EDIL3: variants seen among roughly 807,000 people sequenced by gnomAD.
EDIL3 encodes EGF like and discoidin domains 3, also known as EGF-like repeat and discoidin I-like domain-containing protein 3.
EDIL3 carries 37 observed loss-of-function variants against 67.4 expected under a neutral mutation model. The ratio of observed to expected loss-of-function variants is 0.55; its 90% CI spans 0.42 to 0.72. EDIL3 has a LOEUF of 0.72. Among genes scored for constraint, EDIL3 ranks in the 30% least tolerant of loss-of-function variants. The probability of loss-of-function intolerance (pLI) is 0.00; values close to 1 mark genes in which losing one functional copy is unlikely to be tolerated. For missense variants in EDIL3, 527 were observed against 586.3 expected (o/e 0.90, Z 1.04); for synonymous variants, 195 against 196.3 (o/e 0.99, Z 0.05).
intron 10 of EDIL3, among the ~76,000 whole-genome samples, chr5:83,950,488 G>A (rs923961083): frequency 7.2e-5 from 11 of 151,790 alleles, no homozygotes; most frequent in Non-Finnish European, 1.0e-4. Flanking sequence ...ATGCGCCAGC[G>A]TGTGACAGAC....
intron 5 of EDIL3, among the ~76,000 whole-genome samples, chr5:84,136,560 T>G (rs1424908004): frequency 6.6e-6 from 1 of 152,186 alleles, no homozygotes; most frequent in Non-Finnish European, 1.5e-5. Context: ...GATGCATCAT[T>G]TCAAGACCCT....
At chr5:84,155,119 T>A (rs914763606) in intron 4 of EDIL3, among the ~76,000 whole-genome samples, 2 of 152,156 alleles carry the variant, frequency 1.3e-5, no homozygotes, top group Non-Finnish European at 2.9e-5. Flanking sequence ...TAGGTTTCTA[T>A]TTTTTGTGTC....
intron 5 of EDIL3, among the ~76,000 whole-genome samples, chr5:84,125,468 A>T (rs994841787): frequency 2.0e-5 from 3 of 152,070 alleles, no homozygotes; most frequent in Non-Finnish European, 2.9e-5. Flanking sequence ...GGTCATGTCA[A>T]TGATAGCGTC....
At chr5:84,316,603 C>T (rs1374813467) in intron 1 of EDIL3, among the ~76,000 whole-genome samples, 1 of 152,076 alleles carries the variant, frequency 6.6e-6, no homozygotes, top group East Asian at 1.9e-4. Flanking sequence ...CACCCAGATT[C>T]ATAAAGCAAG....
At chr5:83,999,918 G>A (rs959191738) in intron 9 of EDIL3, among the ~76,000 whole-genome samples, 1 of 151,798 alleles carries the variant, frequency 6.6e-6, no homozygotes, top group African/African-American at 2.4e-5. Context: ...ACAACACACA[G>A]TGGAGCTCCA....
intron 1 of EDIL3, among the ~76,000 whole-genome samples, chr5:84,333,349 TAAC>T (rs1746914809): frequency 6.6e-6 from 1 of 151,772 alleles, no homozygotes; most frequent in Non-Finnish European, 1.5e-5. Flanking sequence ...TCCTAGGGAG[TAAC>T]AAAAGAAAGG....
At chr5:83,994,537 T>G (rs572195907) in intron 9 of EDIL3, among the ~76,000 whole-genome samples, 1 of 152,156 alleles carries the variant, frequency 6.6e-6, no homozygotes, top group African/African-American at 2.4e-5. Flanking sequence ...TAATAAGCTG[T>G]TTTTCCTATA....
At chr5:84,015,309 A>G (rs1048569278) in intron 9 of EDIL3, among the ~76,000 whole-genome samples, 2 of 152,220 alleles carry the variant, frequency 1.3e-5, no homozygotes, top group African/African-American at 4.8e-5. Context: ...TCAAAGGAAG[A>G]ATGAGAAAGG....
At chr5:84,210,022 A>G (rs1341869887) in intron 3 of EDIL3, among the ~76,000 whole-genome samples, 2 of 152,228 alleles carry the variant, frequency 1.3e-5, no homozygotes. Context: ...GAAAGTTTTC[A>G]AAGTATAAAA....
intron 6 of EDIL3, among the ~76,000 whole-genome samples, chr5:84,093,381 G>GAT (rs768097881): frequency 2.6e-4 from 39 of 152,216 alleles, no homozygotes; most frequent in Non-Finnish European, 5.3e-4. Context: ...CTATGATTTT[G>GAT]ATATATAGTT....
chr5:84,029,073 T>C (rs1745870952), intron 9 of EDIL3, among the ~76,000 whole-genome samples: 2 of 152,048 alleles, frequency 1.3e-5, no homozygotes, highest in Non-Finnish European at 2.9e-5. Context: ...CTGGCTAACA[T>C]GGTGAAACCC....
At chr5:84,232,697 A>G (rs1744607265) in intron 2 of EDIL3, among the ~76,000 whole-genome samples, 1 of 152,210 alleles carries the variant, frequency 6.6e-6, no homozygotes, top group African/African-American at 2.4e-5. Flanking sequence ...TGCTTCCTTG[A>G]TATGGGTAGA....
intron 9 of EDIL3, among the ~76,000 whole-genome samples, chr5:83,983,195 G>C (rs1011874309): frequency 1.3e-5 from 2 of 152,090 alleles, no homozygotes; most frequent in African/African-American, 4.8e-5. Context: ...ACTATAGTAC[G>C]TATCGCATTG....
intron 1 of EDIL3, among the ~76,000 whole-genome samples, chr5:84,313,679 C>T (rs971877483): frequency 3.9e-5 from 6 of 152,178 alleles, no homozygotes; most frequent in African/African-American, 1.4e-4. Flanking sequence ...ACACATCAGT[C>T]ACCTGGAAAG....
At chr5:84,219,900 G>C (rs896020253) in intron 3 of EDIL3, among the ~76,000 whole-genome samples, 3 of 152,052 alleles carry the variant, frequency 2.0e-5, no homozygotes, top group East Asian at 1.9e-4. Context: ...TTATTTACAG[G>C]AGCACTTATT....
chr5:84,257,339 G>A (rs888006834), intron 1 of EDIL3, among the ~76,000 whole-genome samples: 1 of 152,144 alleles, frequency 6.6e-6, no homozygotes, highest in Non-Finnish European at 1.5e-5. Flanking sequence ...TCTTAGAGAT[G>A]CCAACTGTTG....
intron 9 of EDIL3, among the ~76,000 whole-genome samples, chr5:83,968,820 T>C (rs532175219): frequency 6.6e-6 from 1 of 152,066 alleles, no homozygotes; most frequent in African/African-American, 2.4e-5. Context: ...CAACTGCACG[T>C]TTTTCACTGA....
chr5:83,986,320 T>C (rs941099893), intron 9 of EDIL3, among the ~76,000 whole-genome samples: 1 of 152,126 alleles, frequency 6.6e-6, no homozygotes, highest in Non-Finnish European at 1.5e-5. Context: ...TCATATGCTT[T>C]ATGGTGTAGA....
rs79744818 is a variant in EDIL3 at position 84,162,423 on chromosome 5, T to C, written c.355+17970A>G. ...CTTATCCTCCATTCTCTAGTTTCTT[T>C]TGACATCTTCAGTACCAAAGTGGAT... On this transcript the variant is annotated intron_variant, in intron 4 of 10. Transcript: ENST00000296591. 6.8e-4 allele frequency among the ~76,000 whole-genome samples: 104 copies of C among 152,242 alleles called. No individual in the cohort carries two copies. In the East Asian group the frequency reaches 0.018, roughly 26 times the overall value.
Sources: allele counts gnomAD v4.1 joint callset (sites outside exome capture counted in the v4.1 genomes callset), GRCh38; gene constraint gnomAD v4.1.1; transcripts MANE v1.5; gene names NCBI Gene and HGNC (gene_info 2026-07-23, HGNC 2026-07-21).